The following MCOLN2 variants were observed in gnomAD, a reference collection of about 807,000 sequenced individuals.
MCOLN2 encodes the protein mucolipin-2.
A neutral mutation model predicts 67.5 loss-of-function variants in MCOLN2; 57 were observed. The observed-to-expected ratio is 0.84, with a 90% confidence interval of 0.68 to 1.05. The LOEUF (loss-of-function observed/expected upper bound fraction) is 1.05. Ranked by LOEUF, MCOLN2 falls within the 50% of genes least tolerant of loss-of-function variation. MCOLN2 has a pLI of 0.00. For synonymous variants in MCOLN2, 246 were observed against 233.3 expected, an observed-to-expected ratio of 1.05 and a Z score of -0.50; for missense variants, 620 against 678.8, an observed-to-expected ratio of 0.91 and a Z score of 0.96.
intron 13 of MCOLN2, among the ~76,000 whole-genome samples, chr1:84,929,210 C>T (rs1217896735): frequency 6.6e-6 from 1 of 152,182 alleles, no homozygotes; most frequent in Non-Finnish European, 1.5e-5. Context: ...GGGAAAACAC[C>T]TCTGACACTC....
intron 1 of MCOLN2, among the ~76,000 whole-genome samples, chr1:84,987,577 CATAGATATATACATAT>C (rs1650655384): frequency 1.3e-5 from 1 of 75,262 alleles, no homozygotes; most frequent in South Asian, 4.3e-4. Flanking sequence ...TAGATGTATA[CATAGATATATACATAT>C]GTATATAGAT....
Position 84,986,695 on chromosome 1 carries a change from AT to A in MCOLN2, c.77+10100del, listed in dbSNP as rs549539324. 6.6e-3 allele frequency among the ~76,000 whole-genome samples: 1,012 copies of A among 152,258 alleles called. 5 individuals carry two copies. Among genetic ancestry groups the A allele is most frequent in the Non-Finnish European group, 0.013 (854 of 68,004 alleles). On this transcript the variant is annotated intron_variant, in intron 1 of 13. Transcript: ENST00000370608. ...GAACTCAAATCAGCAAGAAAAAAAA[AT>A]AATCCCATCAAAACGTGGGCTAAAG...
chr1:84,938,195 G>T, intron 9 of MCOLN2, 113 bp from the exon 10 acceptor site: 1 of 526,112 alleles, frequency 1.9e-6, no homozygotes, highest in Non-Finnish European at 3.2e-6. Context: ...CCTCCCTATA[G>T]GTGATAGAGT....
chr1:84,993,092 C>T (rs556584602), intron 1 of MCOLN2, among the ~76,000 whole-genome samples: 4 of 152,204 alleles, frequency 2.6e-5, no homozygotes, highest in East Asian at 1.9e-4. Context: ...ACTATGTTTA[C>T]GGAATATGCT....
intron 13 of MCOLN2, among the ~76,000 whole-genome samples, chr1:84,927,287 ATC>A (rs1273952009): frequency 6.6e-6 from 1 of 152,108 alleles, no homozygotes; most frequent in Non-Finnish European, 1.5e-5. Flanking sequence ...AAAAAAAAGA[ATC>A]TCTGTGTCCC....
Position 84,940,926 on chromosome 1 carries a change from G to A in MCOLN2, c.913C>T (p.Leu305Phe), listed in dbSNP as rs375324166. 5 of 1,613,668 alleles carry A rather than the reference G, an allele frequency of 3.1e-6. No individual in the cohort carries two copies. Among genetic ancestry groups the A allele is most frequent in the Non-Finnish European group, 4.2e-6 (5 of 1,179,812 alleles). Residue 305 changes from leucine (L) to phenylalanine (F), a missense_variant, in exon 8 of 14, where the codon CTT becomes TTT. Leu to Phe is a conservative substitution (Grantham distance 22). Coordinates refer to ENST00000370608, the MANE Select transcript of MCOLN2 (RefSeq NM_153259.4). ...AFVIVICLAS[L>F]ILCTRSIVLA... is the part of the protein sequence containing the mutation. ...ACAATGGATCTTGTACACAGAATAAGAGATGCCAAGCAAATCACAATGACA... is the reference window on the plus strand; with the variant it reads ...ACAATGGATCTTGTACACAGAATAAAAGATGCCAAGCAAATCACAATGACA...
At chr1:84,952,574 T>C in intron 4 of MCOLN2, 44 bp from the exon 5 acceptor site, 3 of 1,295,200 alleles carry the variant, frequency 2.3e-6, no homozygotes, top group South Asian at 1.2e-5. Flanking sequence ...CAGGCAAGAA[T>C]TAGGTGCTAA....
intron 1 of MCOLN2, among the ~76,000 whole-genome samples, chr1:84,977,445 T>TG (rs1477768260): frequency 7.4e-6 from 1 of 134,588 alleles, no homozygotes; most frequent in Non-Finnish European, 1.6e-5. Context: ...AGACATAGAC[T>TG]GGCTAAATGG....
intron 1 of MCOLN2, among the ~76,000 whole-genome samples, chr1:84,980,762 G>A (rs952402246): frequency 6.6e-6 from 1 of 151,900 alleles, no homozygotes; most frequent in Non-Finnish European, 1.5e-5. Flanking sequence ...AAAATTTACT[G>A]AGCAATACCC....
intron 6 of MCOLN2, among the ~76,000 whole-genome samples, chr1:84,948,112 C>T (rs1000573921): frequency 1.2e-4 from 19 of 152,368 alleles, no homozygotes; most frequent in Middle Eastern, 6.8e-3. Context: ...GCCTCACAGC[C>T]TACTGGCCCC....
chr1:84,936,217 A>C (rs1229831409), intron 11 of MCOLN2, among the ~76,000 whole-genome samples: 2 of 152,202 alleles, frequency 1.3e-5, no homozygotes, highest in Non-Finnish European at 2.9e-5. Context: ...AACAGACAGC[A>C]CTTGAGAATG....
intron 1 of MCOLN2, chr1:84,972,153 T>G (rs562540026): frequency 6.6e-6 from 1 of 152,260 alleles, no homozygotes; most frequent in Admixed American, 6.5e-5. Context: ...AAGAAAAGCA[T>G]ACAGCTGCTA....
chr1:84,958,706 A>AAAAAT lies in MCOLN2; in HGVS notation c.238-9_238-5dup. 2 of 1,566,278 alleles carry AAAAAT rather than the reference A, an allele frequency of 1.3e-6. No individual in the cohort carries two copies. The highest frequency in any genetic ancestry group is 1.4e-5 in the African/African-American group (1 of 72,636). Reference sequence around the variant, plus strand: ...TACTTAAACCAAAACGAACAAGCTAAAAAATAAAATAAAATAGAAACACAT... The same window carrying AAAAAT: ...TACTTAAACCAAAACGAACAAGCTAAAAAATAAAATAAAATAAAATAGAAACACAT... On this transcript the variant is annotated splice_region_variant and splice_polypyrimidine_tract_variant and intron_variant, in intron 2 of 13. Transcript: ENST00000370608.
At chr1:84,956,392 A>C in intron 4 of MCOLN2, 39 bp downstream of exon 4, 1 of 1,590,572 alleles carries the variant, frequency 6.3e-7, no homozygotes, top group Non-Finnish European at 8.5e-7. Flanking sequence ...TCTTACCAGA[A>C]GACGATAAAG....
At chr1:84,949,016 G>C (rs1467355910) in intron 6 of MCOLN2, among the ~76,000 whole-genome samples, 1 of 152,092 alleles carries the variant, frequency 6.6e-6, no homozygotes, top group African/African-American at 2.4e-5. Flanking sequence ...TGCAATCCCA[G>C]CCACTGGGGA....
Position 84,952,548 on chromosome 1 carries a change from C to G in MCOLN2, c.566-18G>C. ...AACACAATCTAGGGCAATGAAAGAA[C>G]AAGAAATGGTTGTTTCAGGCAAGAA... On this transcript the variant is annotated intron_variant, in intron 4 of 13. Transcript: ENST00000370608. 1.3e-6 allele frequency: 2 copies of G among 1,553,320 alleles called. No homozygotes were observed. The highest frequency in any genetic ancestry group is 1.8e-6 in the Non-Finnish European group (2 of 1,125,224).
chr1:84,965,608 G>A lies in MCOLN2; in HGVS notation c.178C>T (p.Arg60Cys), dbSNP rs201171839. ...MSPCEKYRAR[R>C]QIPWKLGLQI... is the part of the protein sequence containing the mutation. ...AAACCCAGTTTCCACGGAATCTGGC[G>A]TCTGGCTCGGTATTTTTCACAAGGG... Residue 60 changes from arginine (R) to cysteine (C), a missense_variant, in exon 2 of 14, where the codon CGC becomes TGC. Coordinates refer to ENST00000370608, the MANE Select transcript of MCOLN2 (RefSeq NM_153259.4). The A allele has an allele frequency of 2.5e-5, 41 of 1,614,010 alleles. No homozygotes were observed. The highest frequency in any genetic ancestry group is 1.3e-4 in the East Asian group (6 of 44,872).
rs560793488 is a variant in MCOLN2, at chr1:84,955,645, G to A, written c.565+786C>T. 5.9e-5 allele frequency among the ~76,000 whole-genome samples: 9 copies of A among 152,266 alleles called. No homozygotes were observed. In the South Asian group the frequency reaches 1.7e-3, roughly 28 times the overall value. On this transcript the variant is annotated intron_variant, in intron 4 of 13. Coordinates refer to ENST00000370608, the MANE Select transcript of MCOLN2 (RefSeq NM_153259.4). ...GAGATATGACCTGATTTACCACTGC[G>A]GTTTCTGCAGGGCAGGGCAGGGGCT...
chr1:84,938,767 C>A (rs1328791504), intron 9 of MCOLN2, among the ~76,000 whole-genome samples: 1 of 152,278 alleles, frequency 6.6e-6, no homozygotes, highest in East Asian at 1.9e-4. Flanking sequence ...AGAGGCAGAG[C>A]TGGATGATGA....
Sources: gnomAD v4.1 joint callset for allele counts (sites outside exome capture counted in the v4.1 genomes callset) on GRCh38, gnomAD v4.1.1 for gene constraint, MANE v1.5 for transcripts, NCBI Gene and HGNC (gene_info 2026-07-23, HGNC 2026-07-21) for gene names.